Variants in SEL1L3 observed in about 807,000 individuals in gnomAD.
SEL1L3 encodes the protein SEL1L family member 3, also known as protein sel-1 homolog 3.
Under a neutral mutation model 142.8 loss-of-function variants are expected in SEL1L3, and 76 were observed. That is an observed-to-expected ratio of 0.53 (90% CI 0.44 to 0.64). SEL1L3 has a LOEUF of 0.64. Among genes scored for constraint, SEL1L3 ranks in the 30% least tolerant of loss-of-function variants. The probability of loss-of-function intolerance (pLI) is 0.00; values close to 1 mark genes in which losing one functional copy is unlikely to be tolerated. For synonymous variants in SEL1L3, 504 were observed against 519.6 expected (o/e 0.97, Z 0.41); for missense variants, 1,262 against 1,381.7 (o/e 0.91, Z 1.37).
intron 23 of SEL1L3, among the ~76,000 whole-genome samples, chr4:25,751,074 C>T (rs188619503): frequency 2.0e-5 from 3 of 152,298 alleles, no homozygotes; most frequent in East Asian, 3.9e-4. Flanking sequence ...TTGCCTTTAG[C>T]TTCCTTCAGG....
At chr4:25,829,933 T>C (rs957932685) in intron 6 of SEL1L3, among the ~76,000 whole-genome samples, 165 bp downstream of exon 6, 8 of 148,362 alleles carry the variant, frequency 5.4e-5, no homozygotes, top group African/African-American at 1.8e-4. Flanking sequence ...TTGTGCATGG[T>C]AGGAAAAAAA....
chr4:25,857,964 C>G (rs1370326047), intron 1 of SEL1L3, among the ~76,000 whole-genome samples: 1 of 152,260 alleles, frequency 6.6e-6, no homozygotes, highest in Admixed American at 6.5e-5. Context: ...AAGCCCTTCT[C>G]CAGGTAGAGA....
chr4:25,852,163 T>G (rs1716951798), intron 1 of SEL1L3, among the ~76,000 whole-genome samples: 1 of 152,036 alleles, frequency 6.6e-6, no homozygotes, highest in Admixed American at 6.5e-5. Flanking sequence ...AGTGGATGAG[T>G]CTGGTGACAA....
intron 9 of SEL1L3, among the ~76,000 whole-genome samples, chr4:25,815,474 G>A (rs927639456): frequency 2.6e-5 from 4 of 152,142 alleles, no homozygotes; most frequent in African/African-American, 9.7e-5. Flanking sequence ...ACAGAATTTT[G>A]AGCTGCAACA....
chr4:25,805,555 G>C (rs1288403038), intron 9 of SEL1L3, among the ~76,000 whole-genome samples: 1 of 151,214 alleles, frequency 6.6e-6, no homozygotes, highest in Non-Finnish European at 1.5e-5. Flanking sequence ...CGCGGATAGA[G>C]ACTTGTTTAC....
At chr4:25,854,925 G>A (rs1211428223) in intron 1 of SEL1L3, among the ~76,000 whole-genome samples, 1 of 152,196 alleles carries the variant, frequency 6.6e-6, no homozygotes, top group East Asian at 1.9e-4. Flanking sequence ...TTCGGGGTGG[G>A]GCAATGTTTC....
intron 2 of SEL1L3, 137 bp downstream of exon 2, chr4:25,847,157 A>G: frequency 1.5e-6 from 1 of 684,724 alleles, no homozygotes; most frequent in Non-Finnish European, 2.4e-6. Flanking sequence ...CAAACTCCAA[A>G]GTTACAGACT....
the SEL1L3 span, among the ~76,000 whole-genome samples, chr4:25,723,974 G>A: frequency 2.6e-5 from 4 of 152,196 alleles, no homozygotes; most frequent in Admixed American, 2.6e-4. Flanking sequence ...TACAGCAGTT[G>A]CTTTCACAAG....
chr4:25,823,538 T>TA (rs1263036797), intron 6 of SEL1L3, among the ~76,000 whole-genome samples: 1 of 151,640 alleles, frequency 6.6e-6, no homozygotes, highest in Non-Finnish European at 1.5e-5. Flanking sequence ...CAAAAATAAA[T>TA]AAATAAAATA....
At chr4:25,790,910 T>C (rs554996246) in intron 11 of SEL1L3, among the ~76,000 whole-genome samples, 1 of 152,344 alleles carries the variant, frequency 6.6e-6, no homozygotes, top group African/African-American at 2.4e-5. Flanking sequence ...AGAAAAACTA[T>C]ATGAATAATT....
At chr4:25,723,754 AG>A in the SEL1L3 span, among the ~76,000 whole-genome samples, 1 of 152,250 alleles carries the variant, frequency 6.6e-6, no homozygotes, top group South Asian at 2.1e-4. Context: ...CAGCTCTGCC[AG>A]GGCCCCACTC....
At chr4:25,798,738 G>A (rs1016401766) in intron 11 of SEL1L3, among the ~76,000 whole-genome samples, 7 of 152,190 alleles carry the variant, frequency 4.6e-5, no homozygotes, top group Admixed American at 4.6e-4. Flanking sequence ...TGAGGCAGGA[G>A]GATCACTTGA....
chr4:25,846,342 A>G (rs1044383274), intron 2 of SEL1L3, among the ~76,000 whole-genome samples: 1 of 152,244 alleles, frequency 6.6e-6, no homozygotes, highest in African/African-American at 2.4e-5. Flanking sequence ...TGTGGACTCT[A>G]TCATCATCAC....
intron 1 of SEL1L3, among the ~76,000 whole-genome samples, chr4:25,858,838 C>A (rs1024997281): frequency 6.6e-6 from 1 of 152,160 alleles, no homozygotes; most frequent in Middle Eastern, 3.2e-3. Context: ...CCTGCTTCGG[C>A]CTCCCAAAGT....
rs1285206042 is a variant in SEL1L3, at chr4:25,804,526, A to G, written c.1776+15T>C. 2 of 1,571,878 alleles carry G rather than the reference A, an allele frequency of 1.3e-6. No homozygotes were observed. The highest frequency in any genetic ancestry group is 2.3e-5 in the South Asian group (2 of 88,236). On this transcript the variant is annotated intron_variant, in intron 10 of 23. Coordinates refer to ENST00000399878, the MANE Select transcript of SEL1L3 (RefSeq NM_015187.5). ...TGCAAGTGACTGATGTTAATGGAGCAATGAAATACTCTACCTGCAGCTGAT... is the reference window on the plus strand; with the variant it reads ...TGCAAGTGACTGATGTTAATGGAGCGATGAAATACTCTACCTGCAGCTGAT...
At chr4:25,737,547 T>C in the SEL1L3 span, among the ~76,000 whole-genome samples, 105,354 of 151,900 alleles carry the variant, frequency 0.69, 36,689 homozygotes, top group East Asian at 0.79. Context: ...CCTAGGCCTC[T>C]CAAAGGCCCT....
intron 11 of SEL1L3, among the ~76,000 whole-genome samples, chr4:25,796,785 C>CA (rs1487082609): frequency 6.7e-6 from 1 of 149,794 alleles, no homozygotes; most frequent in Non-Finnish European, 1.5e-5. Flanking sequence ...CAAAACAAAA[C>CA]AAAAAAACAA....
At chr4:25,834,238 G>C (rs1230448795) in intron 3 of SEL1L3, among the ~76,000 whole-genome samples, 2 of 152,180 alleles carry the variant, frequency 1.3e-5, no homozygotes, top group Non-Finnish European at 2.9e-5. Context: ...TAAAATACCA[G>C]TAGCCAACTT....
At chr4:25,835,104 G>A (rs1715714185) in intron 3 of SEL1L3, 93 bp downstream of exon 3, 6 of 1,473,258 alleles carry the variant, frequency 4.1e-6, no homozygotes, top group Non-Finnish European at 5.6e-6. Context: ...CCAAGAAGGT[G>A]TGTCTTCCTA....
Sources: allele counts gnomAD v4.1 joint callset (sites outside exome capture counted in the v4.1 genomes callset), GRCh38; gene constraint gnomAD v4.1.1; transcripts MANE v1.5; gene names NCBI Gene and HGNC (gene_info 2026-07-23, HGNC 2026-07-21).